Variants in NIPBL observed in about 807,000 individuals in gnomAD.
NIPBL encodes NIPBL cohesin loading factor.
Under a neutral mutation model 321.8 loss-of-function variants are expected in NIPBL, and 19 were observed. The observed-to-expected ratio is 0.06, with a 90% CI of 0.04 to 0.09. The LOEUF (loss-of-function observed/expected upper bound fraction) is 0.09. NIPBL is among the 10% of genes least tolerant of loss of function. NIPBL has a pLI of 1.00. For synonymous variants in NIPBL, 1,106 were observed against 1,114.1 expected (o/e 0.99, Z 0.14); for missense variants, 2,210 against 3,327.0 (o/e 0.66, Z 8.26).
At chr5:36,988,602 G>A (rs1289319040) in intron 10 of NIPBL, among the ~76,000 whole-genome samples, 3 of 151,880 alleles carry the variant, frequency 2.0e-5, no homozygotes, top group Admixed American at 6.6e-5. Context: ...AAAATTGCAT[G>A]TATATGAAGC....
chr5:36,877,029 C>T lies in NIPBL; in HGVS notation c.-229C>T. The T allele has an allele frequency of 2.7e-6, 1 of 369,382 alleles. No homozygotes were observed. The highest frequency in any genetic ancestry group is 4.8e-6 in the Non-Finnish European group (1 of 207,634). 22.9% of individuals were successfully genotyped at this position (369,382 alleles called of 1,614,324 possible). ...GGAGGAAGAAGAAGCAACGATTTGT[C>T]TTCTCGGCTGGTCTCCCCCCGGCTC... On this transcript the variant is annotated 5_prime_UTR_variant, in exon 1 of 47. Coordinates refer to ENST00000282516, the MANE Select transcript of NIPBL (RefSeq NM_133433.4).
intron 1 of NIPBL, among the ~76,000 whole-genome samples, chr5:36,883,485 G>A (rs1039079832): frequency 6.6e-6 from 1 of 151,884 alleles, no homozygotes; most frequent in Admixed American, 6.6e-5. Flanking sequence ...GAAATGCACA[G>A]TTATTTTTAT....
At chr5:36,958,326 C>G in intron 4 of NIPBL, 95 bp downstream of exon 4, 1 of 1,214,114 alleles carries the variant, frequency 8.2e-7, no homozygotes, top group Admixed American at 1.8e-5. Context: ...ATCAGGAATG[C>G]GATGTTTATG....
intron 20 of NIPBL, among the ~76,000 whole-genome samples, chr5:37,009,285 C>T (rs1747816289): frequency 6.6e-6 from 1 of 151,668 alleles, no homozygotes; most frequent in South Asian, 2.1e-4. Context: ...GGAGAATAAA[C>T]ATGGGGATTA....
chr5:36,960,942 G>A (rs1039826836), intron 4 of NIPBL, among the ~76,000 whole-genome samples: 2 of 152,132 alleles, frequency 1.3e-5, no homozygotes, highest in African/African-American at 4.8e-5. Context: ...AGAAGGAATA[G>A]GTACATTCTG....
intron 6 of NIPBL, among the ~76,000 whole-genome samples, chr5:36,967,096 A>G (rs1742292601): frequency 6.6e-6 from 1 of 152,110 alleles, no homozygotes; most frequent in Non-Finnish European, 1.5e-5. Flanking sequence ...AATCTCATAC[A>G]GATCGATAAG....
intron 1 of NIPBL, among the ~76,000 whole-genome samples, chr5:36,944,845 T>A (rs946245123): frequency 1.3e-5 from 2 of 152,188 alleles, no homozygotes; most frequent in Non-Finnish European, 2.9e-5. Context: ...AGCCTTTTCC[T>A]TGTATATTGC....
At chr5:37,039,360 A>G (rs1752072805) in intron 34 of NIPBL, among the ~76,000 whole-genome samples, 1 of 151,310 alleles carries the variant, frequency 6.6e-6, no homozygotes. Flanking sequence ...CTATAATATC[A>G]TACCAGAGAT....
At chr5:36,878,010 A>G (rs1031083339) in intron 1 of NIPBL, among the ~76,000 whole-genome samples, 1 of 152,242 alleles carries the variant, frequency 6.6e-6, no homozygotes, top group Non-Finnish European at 1.5e-5. Context: ...ATGTAAGGGC[A>G]GTTTTAAGCG....
intron 37 of NIPBL, 130 bp downstream of exon 37, chr5:37,045,727 G>GTGC (rs1352874667): frequency 9.9e-7 from 1 of 1,006,126 alleles, no homozygotes; most frequent in Non-Finnish European, 1.5e-6. Flanking sequence ...TCTGAAAACA[G>GTGC]TGCTGCTCAA....
chr5:36,890,974 A>G (rs1252130209), intron 1 of NIPBL, among the ~76,000 whole-genome samples: 1 of 152,130 alleles, frequency 6.6e-6, no homozygotes, highest in Non-Finnish European at 1.5e-5. Flanking sequence ...TGGTGAAATA[A>G]AAGACTTCAG....
rs191495352 is a variant in NIPBL at position 36,909,507 on chromosome 5, C to A, written c.-80+32329C>A. On this transcript the variant is annotated intron_variant, in intron 1 of 46. Coordinates refer to ENST00000282516, the MANE Select transcript of NIPBL (RefSeq NM_133433.4). ...TAAATTACGCATTTGTCATTAACTC[C>A]ACTTCTAGGAATCTAGCCTGTAGGA... Among the ~76,000 whole-genome samples, 147 of 152,130 alleles carry A rather than the reference C, an allele frequency of 9.7e-4. 1 individual carries two copies. Among genetic ancestry groups the A allele is most frequent in the African/African-American group, 3.4e-3 (143 of 41,480 alleles).
chr5:36,986,230 TTAAAGA>T lies in NIPBL; in HGVS notation c.3053_3058del (p.Lys1018_Asp1019del). 6.3e-7 allele frequency: 1 copy of T among 1,585,406 alleles called. No individual in the cohort carries two copies. The highest frequency in any genetic ancestry group is 8.5e-7 in the Non-Finnish European group (1 of 1,169,878). ...TCTTTGGATGATGTTCAGAAACTTA[TTAAAGA>T]TAGAGAGGACAAATCAAGAAGTTCC... On this transcript the variant is annotated inframe_deletion, in exon 10 of 47. Transcript: ENST00000282516.
chr5:37,008,636 A>G lies in NIPBL; in HGVS notation c.4334A>G (p.Tyr1445Cys). Reference protein sequence around the residue: ...IKLVTAVFSRYEKHRQLILEE... With the variant: ...IKLVTAVFSRCEKHRQLILEE... ...ATTACTAAACAGGTATTCTCAAGAT[A>G]TGAAAAACATAGGCAGTTAATTTTG... Residue 1445 changes from tyrosine (Y) to cysteine (C), a missense_variant, in exon 20 of 47, where the codon TAT (tyrosine) becomes TGT (cysteine). This residue lies in a region of NIPBL where 381 missense variants were observed against 642.3 expected (regional missense o/e 0.59). Transcript: ENST00000282516. 1 of 1,533,240 alleles carries G rather than the reference A, an allele frequency of 6.5e-7. No homozygotes were observed. Among genetic ancestry groups the G allele is most frequent in the Non-Finnish European group, 9.0e-7 (1 of 1,106,596 alleles). 95.0% of individuals were successfully genotyped at this position (1,533,240 alleles called of 1,614,324 possible). A position where few individuals can be genotyped will look rare whatever the true frequency, so the allele number is the denominator to read the frequency against.
chr5:36,876,873 C>T lies in NIPBL; in HGVS notation c.-385C>T. 1 of 393,688 alleles carries T rather than the reference C, an allele frequency of 2.5e-6. No individual in the cohort carries two copies. Among genetic ancestry groups the T allele is most frequent in the Non-Finnish European group, 4.5e-6 (1 of 223,724 alleles). 24.4% of individuals were successfully genotyped at this position (393,688 alleles called of 1,614,324 possible). ...CCGTCGGTACCGACTCACCCGACAC[C>T]ACCAAGCCGCAGGGAGGGACGCCCC... On this transcript the variant is annotated 5_prime_UTR_variant, in exon 1 of 47. Coordinates refer to ENST00000282516, the MANE Select transcript of NIPBL (RefSeq NM_133433.4).
intron 1 of NIPBL, among the ~76,000 whole-genome samples, chr5:36,912,472 G>A (rs1373792166): frequency 6.6e-6 from 1 of 151,774 alleles, no homozygotes; most frequent in African/African-American, 2.4e-5. Context: ...AGAGTGGCTA[G>A]AGTTTGTCCT....
chr5:37,031,266 G>A lies in NIPBL; in HGVS notation c.5862+3854G>A, dbSNP rs772773757. ...CTCCCAAAGTGCTGGGATTATAGGC[G>A]CAAGCCACCGTGCCTGGCCAGTATG... is the stretch of plus-strand genomic sequence containing the variant. On this transcript the variant is annotated intron_variant, in intron 32 of 46. Coordinates refer to ENST00000282516, the MANE Select transcript of NIPBL (RefSeq NM_133433.4). 5.8e-4 allele frequency among the ~76,000 whole-genome samples: 88 copies of A among 152,156 alleles called. 1 individual carries two copies. The highest frequency in any genetic ancestry group is 1.9e-3 in the Admixed American group (29 of 15,276).
In NIPBL at chr5:36,883,516, A is replaced by G. The variant is rs13436147; in HGVS notation, c.-80+6338A>G. ...TTTATATGAGCACTATTGAAAAAAT[A>G]CTATTCTAGATACATTAAAACTAAC... is the stretch of plus-strand genomic sequence containing the variant. On this transcript the variant is annotated intron_variant, in intron 1 of 46. Transcript: ENST00000282516. 8.3e-3 allele frequency among the ~76,000 whole-genome samples: 1,258 copies of G among 150,972 alleles called. 21 individuals are homozygous for G. Among genetic ancestry groups the G allele is most frequent in the African/African-American group, 0.029 (1,190 of 40,872 alleles).
chr5:37,033,351 G>A (rs1049638971), intron 32 of NIPBL, among the ~76,000 whole-genome samples: 3 of 151,914 alleles, frequency 2.0e-5, no homozygotes, highest in Non-Finnish European at 2.9e-5. Flanking sequence ...AAAATATTGG[G>A]ACTTATTTTC....
Sources: gnomAD v4.1 joint callset for allele counts (sites outside exome capture counted in the v4.1 genomes callset) on GRCh38, gnomAD v4.1.1 for gene constraint, gnomAD v4.1.1 regional missense constraint, MANE v1.5 for transcripts, NCBI Gene and HGNC (gene_info 2026-07-23, HGNC 2026-07-21) for gene names.